Variants in CCSER1 observed in about 807,000 individuals in gnomAD.
CCSER1 encodes the protein serine-rich coiled-coil domain-containing protein 1.
Under a neutral mutation model 82.0 loss-of-function variants are expected in CCSER1, and 41 were observed. The observed-to-expected ratio is 0.50, with a 90% CI of 0.39 to 0.65. The LOEUF is 0.65. Ranked by LOEUF, CCSER1 falls within the 30% of genes least tolerant of loss-of-function variation. The pLI, the probability that CCSER1 is intolerant of heterozygous loss-of-function variation, is 0.00. For synonymous variants in CCSER1, 414 were observed against 383.9 expected (o/e 1.08, Z -0.92); for missense variants, 1,119 against 1,064.2 (o/e 1.05, Z -0.72).
At chr4:90,797,745 G>A (rs537817286) in intron 7 of CCSER1, among the ~76,000 whole-genome samples, 13 of 152,212 alleles carry the variant, frequency 8.5e-5, no homozygotes, top group South Asian at 8.3e-4. Flanking sequence ...TTAGTTTGAC[G>A]AGGTATGAAA....
intron 10 of CCSER1, among the ~76,000 whole-genome samples, chr4:91,522,473 A>G (rs948869743): frequency 6.6e-6 from 1 of 152,096 alleles, no homozygotes; most frequent in African/African-American, 2.4e-5. Context: ...CAGTATGGCC[A>G]TTTTCACGAT....
At chr4:90,709,952 T>TG (rs917820627) in intron 6 of CCSER1, among the ~76,000 whole-genome samples, 5 of 151,642 alleles carry the variant, frequency 3.3e-5, no homozygotes, top group Non-Finnish European at 7.4e-5. Flanking sequence ...ATCTGTTTTT[T>TG]TTTTTTTTTT....
intron 8 of CCSER1, among the ~76,000 whole-genome samples, chr4:90,879,359 T>C (rs1177190820): frequency 6.6e-6 from 1 of 152,128 alleles, no homozygotes; most frequent in East Asian, 1.9e-4. Flanking sequence ...TTTGCCTTCC[T>C]GTTGAAACTT....
intron 4 of CCSER1, among the ~76,000 whole-genome samples, chr4:90,450,159 T>G: frequency 6.6e-6 from 1 of 152,326 alleles, no homozygotes; most frequent in Admixed American, 6.5e-5. Flanking sequence ...TAAGGGTCCC[T>G]GGTAGAAACG....
At chr4:91,155,600 A>G (rs1730734193) in intron 10 of CCSER1, among the ~76,000 whole-genome samples, 1 of 151,916 alleles carries the variant, frequency 6.6e-6, no homozygotes, top group Non-Finnish European at 1.5e-5. Context: ...ATTTTCATCT[A>G]ATGATTCTAA....
intron 5 of CCSER1, among the ~76,000 whole-genome samples, chr4:90,518,572 G>A (rs1305726144): frequency 6.6e-6 from 1 of 151,896 alleles, no homozygotes; most frequent in African/African-American, 2.4e-5. Context: ...TACTTAGGAG[G>A]GTGAAGCACC....
At chr4:90,193,693 G>T (rs1245711155) in intron 1 of CCSER1, among the ~76,000 whole-genome samples, 1 of 151,734 alleles carries the variant, frequency 6.6e-6, no homozygotes, top group Non-Finnish European at 1.5e-5. Context: ...TAAGCTAGCG[G>T]TCCTTAAAAA....
chr4:90,241,543 T>C (rs1746838556), intron 1 of CCSER1, among the ~76,000 whole-genome samples: 1 of 152,206 alleles, frequency 6.6e-6, no homozygotes, highest in Non-Finnish European at 1.5e-5. Context: ...CAGAACACTT[T>C]TGTTATACAT....
intron 4 of CCSER1, among the ~76,000 whole-genome samples, chr4:90,464,551 T>A (rs1395256245): frequency 1.3e-5 from 2 of 152,214 alleles, no homozygotes; most frequent in Non-Finnish European, 2.9e-5. Flanking sequence ...GCTCTGACAC[T>A]CTCTAGTGAC....
intron 9 of CCSER1, among the ~76,000 whole-genome samples, chr4:91,027,151 A>G (rs1213816093): frequency 1.3e-5 from 2 of 152,034 alleles, no homozygotes; most frequent in Non-Finnish European, 2.9e-5. Flanking sequence ...CTCCAAGTTA[A>G]GTTTTAATTT....
intron 5 of CCSER1, among the ~76,000 whole-genome samples, chr4:90,598,436 T>G (rs1265975567): frequency 3.3e-5 from 5 of 152,116 alleles, no homozygotes; most frequent in Non-Finnish European, 7.4e-5. Context: ...ACCAACAGCA[T>G]GCTATAGTTT....
chr4:90,838,811 T>C, intron 8 of CCSER1: 1 of 1,525,776 alleles, frequency 6.6e-7, no homozygotes, highest in Non-Finnish European at 9.1e-7. Flanking sequence ...ATCCAACCTC[T>C]TTGCATCTTA....
chr4:90,809,351 C>G (rs1757948525), intron 7 of CCSER1, among the ~76,000 whole-genome samples: 1 of 151,660 alleles, frequency 6.6e-6, no homozygotes, highest in Non-Finnish European at 1.5e-5. Flanking sequence ...CGCACACACA[C>G]AGCACACACT....
At chr4:91,050,926 T>C (rs900718597) in intron 9 of CCSER1, among the ~76,000 whole-genome samples, 2 of 152,206 alleles carry the variant, frequency 1.3e-5, no homozygotes, top group African/African-American at 4.8e-5. Flanking sequence ...TCTCATTTTA[T>C]TCCCTTCTTA....
At chr4:91,211,449 A>G (rs1321366353) in intron 10 of CCSER1, among the ~76,000 whole-genome samples, 1 of 152,066 alleles carries the variant, frequency 6.6e-6, no homozygotes, top group Non-Finnish European at 1.5e-5. Context: ...TTCTGGTATT[A>G]CTGCTTTCAT....
At chr4:90,240,762 AG>A (rs1455846414) in intron 1 of CCSER1, among the ~76,000 whole-genome samples, 1 of 152,186 alleles carries the variant, frequency 6.6e-6, no homozygotes, top group Non-Finnish European at 1.5e-5. Flanking sequence ...TGTTGCTTTC[AG>A]GTGCCCAATT....
At chr4:90,635,555 G>A (rs1725273972) in intron 6 of CCSER1, among the ~76,000 whole-genome samples, 1 of 151,732 alleles carries the variant, frequency 6.6e-6, no homozygotes. Context: ...TCTGGATATA[G>A]TTAAAACTAT....
At chr4:91,176,306 G>A (rs938142614) in intron 10 of CCSER1, among the ~76,000 whole-genome samples, 5 of 152,152 alleles carry the variant, frequency 3.3e-5, no homozygotes, top group African/African-American at 7.2e-5. Flanking sequence ...TGGCAATGTG[G>A]TCTCTTTTTT....
At chr4:90,801,949 T>A (rs1334249593) in intron 7 of CCSER1, among the ~76,000 whole-genome samples, 1 of 152,038 alleles carries the variant, frequency 6.6e-6, no homozygotes, top group African/African-American at 2.4e-5. Context: ...GCTGGGGGCG[T>A]TGTCTCACGC....
Sources: gnomAD v4.1 joint callset for allele counts (sites outside exome capture counted in the v4.1 genomes callset) on GRCh38, gnomAD v4.1.1 for gene constraint, MANE v1.5 for transcripts, NCBI Gene and HGNC (gene_info 2026-07-23, HGNC 2026-07-21) for gene names.